The following NUDT3 variants were observed in gnomAD, a reference collection of about 807,000 sequenced individuals.
The protein encoded by NUDT3 is nudix hydrolase 3.
In NUDT3, 9 loss-of-function variants were observed where a neutral mutation model predicts 23.6. That is an observed-to-expected ratio of 0.38 (90% CI 0.23 to 0.66). The LOEUF (loss-of-function observed/expected upper bound fraction) is 0.66, where lower values mean the gene tolerates loss of function less well. NUDT3 is among the 30% of genes least tolerant of loss of function. The pLI is 0.52. For synonymous variants in NUDT3, 86 were observed against 82.6 expected (o/e 1.04, Z -0.22); for missense variants, 172 against 218.5 (o/e 0.79, Z 1.34).
intron 2 of NUDT3, among the ~76,000 whole-genome samples, chr6:34,303,388 A>G (rs1338526800): frequency 6.6e-6 from 1 of 151,888 alleles, no homozygotes; most frequent in Non-Finnish European, 1.5e-5. Flanking sequence ...TTCTAAGTTA[A>G]TAATCACATC....
At position 34,341,855 on chromosome 6, in the gene NUDT3, T is replaced by G; in HGVS notation, c.210+7A>C. 6.2e-7 allele frequency: 1 copy of G among 1,613,428 alleles called. No individual in the cohort carries two copies. The highest frequency in any genetic ancestry group is 1.3e-5 in the African/African-American group (1 of 75,048). Reference sequence around the variant, plus strand: ...GCACAGCTGTGCCCTCTCTTCTCCATGCATACCTCCTCACAGACTTCACGA... The same window carrying G: ...GCACAGCTGTGCCCTCTCTTCTCCAGGCATACCTCCTCACAGACTTCACGA... On this transcript the variant is annotated splice_region_variant and intron_variant, in intron 2 of 4. Transcript: ENST00000607016.
At chr6:34,366,899 A>G (rs1764744127) in intron 1 of NUDT3, among the ~76,000 whole-genome samples, 3 of 151,712 alleles carry the variant, frequency 2.0e-5, no homozygotes, top group South Asian at 4.2e-4. Context: ...CACAATTAAA[A>G]AAAAATTTTT....
At chr6:34,289,531 C>T (rs1197111582) in intron 4 of NUDT3, among the ~76,000 whole-genome samples, 2 of 152,200 alleles carry the variant, frequency 1.3e-5, no homozygotes, top group Non-Finnish European at 2.9e-5. Context: ...CGCGCCACTG[C>T]ACTCCAGCAG....
chr6:34,316,434 T>C (rs951206276), intron 2 of NUDT3, among the ~76,000 whole-genome samples: 1 of 152,168 alleles, frequency 6.6e-6, no homozygotes, highest in Non-Finnish European at 1.5e-5. Flanking sequence ...CTGCTTCATA[T>C]AGAAGAGATA....
In NUDT3 at chr6:34,288,586, T is replaced by A; in HGVS notation, c.*167A>T. The A allele has an allele frequency of 2.2e-6, 2 of 902,134 alleles. No homozygotes were observed. The highest frequency in any genetic ancestry group is 1.6e-6 in the Non-Finnish European group (1 of 628,522). The allele number at this position is 902,134 out of a possible 1,614,324, so 55.9% of individuals were successfully genotyped here. On this transcript the variant is annotated 3_prime_UTR_variant, in exon 5 of 5. Coordinates refer to ENST00000607016, the MANE Select transcript of NUDT3 (RefSeq NM_006703.4). ...AATAAAAACAGAAGAAAAAGCCCCA[T>A]CACTTAACACCAAACAGCAACATTA...
chr6:34,305,594 C>G (rs1763668167), intron 2 of NUDT3, among the ~76,000 whole-genome samples: 2 of 152,044 alleles, frequency 1.3e-5, no homozygotes, highest in Admixed American at 6.6e-5. Context: ...TTTGGGCTTG[C>G]TCTTGTTTTT....
At chr6:34,365,693 C>T (rs991696930) in intron 1 of NUDT3, among the ~76,000 whole-genome samples, 3 of 152,076 alleles carry the variant, frequency 2.0e-5, no homozygotes, top group Non-Finnish European at 4.4e-5. Flanking sequence ...CAAGAGGATC[C>T]CTTGAGGCCA....
intron 2 of NUDT3, among the ~76,000 whole-genome samples, chr6:34,315,434 T>C (rs1763843565): frequency 1.3e-5 from 2 of 152,386 alleles, no homozygotes; most frequent in South Asian, 2.1e-4. Context: ...ATAAGCTGCA[T>C]CTACCTTTCT....
chr6:34,374,228 A>G (rs903922991), intron 1 of NUDT3, among the ~76,000 whole-genome samples: 1 of 151,826 alleles, frequency 6.6e-6, no homozygotes, highest in Non-Finnish European at 1.5e-5. Flanking sequence ...TCAGAAGAAA[A>G]CTGTGTTATC....
intron 1 of NUDT3, among the ~76,000 whole-genome samples, chr6:34,379,630 C>T (rs962952858): frequency 6.6e-6 from 1 of 152,010 alleles, no homozygotes; most frequent in African/African-American, 2.4e-5. Flanking sequence ...AGGCTGGTCT[C>T]GAATTCCTGG....
At chr6:34,297,760 A>ATATATATATATATATATATTTTTT (rs1763535832) in intron 2 of NUDT3, among the ~76,000 whole-genome samples, 4 of 53,654 alleles carry the variant, frequency 7.5e-5, no homozygotes, top group Non-Finnish European at 1.2e-4. Context: ...TATATATATA[A>ATATATATATATATATATATTTTTT]TTTTTTTTTT....
Position 34,328,229 on chromosome 6 carries a change from G to C in NUDT3, c.210+13633C>G, listed in dbSNP as rs555679931. ...TCAAGTTTCTCTTGAAACATCAGAGGATCTGATCACACTGGGTCTTCCCCT... is the reference window on the plus strand; with the variant it reads ...TCAAGTTTCTCTTGAAACATCAGAGCATCTGATCACACTGGGTCTTCCCCT... On this transcript the variant is annotated intron_variant, in intron 2 of 4. Transcript: ENST00000607016. Among the ~76,000 whole-genome samples, 18 of 152,220 alleles carry C rather than the reference G, an allele frequency of 1.2e-4. No homozygotes were observed. In the East Asian group the frequency reaches 2.3e-3, roughly 20 times the overall value.
At chr6:34,390,216 C>T (rs1345943464) in intron 1 of NUDT3, among the ~76,000 whole-genome samples, 5 of 150,830 alleles carry the variant, frequency 3.3e-5, no homozygotes, top group Non-Finnish European at 7.4e-5. Context: ...ATCGCCTGAA[C>T]CTGGGAGGCA....
chr6:34,288,810 T>G lies in NUDT3; in HGVS notation c.462A>C (p.Pro154=). ...AAACCGAGTATGTGGTGGCCACGAC[T>G]GGGGTGCCATTGTTGGCTGAGTAGC... ...RQGYSANNGT[P]VVATTYSVSA... The change falls in exon 5 of 5, where the codon CCA becomes CCC. Residue 154 remains proline, a synonymous_variant. Transcript: ENST00000607016. 1.9e-6 allele frequency: 3 copies of G among 1,614,102 alleles called. No individual in the cohort carries two copies. Among genetic ancestry groups the G allele is most frequent in the African/African-American group, 1.3e-5 (1 of 75,038 alleles).
At chr6:34,377,222 A>T (rs1764939051) in intron 1 of NUDT3, among the ~76,000 whole-genome samples, 1 of 152,160 alleles carries the variant, frequency 6.6e-6, no homozygotes, top group Non-Finnish European at 1.5e-5. Context: ...GAAATGCCTA[A>T]CGGTAATTTA....
chr6:34,384,420 C>A (rs1405538078), intron 1 of NUDT3, among the ~76,000 whole-genome samples: 1 of 152,176 alleles, frequency 6.6e-6, no homozygotes, highest in Non-Finnish European at 1.5e-5. Flanking sequence ...TGGGTAAAAA[C>A]AGACCCGTTA....
intron 1 of NUDT3, among the ~76,000 whole-genome samples, chr6:34,384,907 T>A (rs1433037680): frequency 6.6e-6 from 1 of 151,948 alleles, no homozygotes; most frequent in Non-Finnish European, 1.5e-5. Flanking sequence ...CAGGCACTTG[T>A]ACTTCCATCT....
intron 1 of NUDT3, among the ~76,000 whole-genome samples, chr6:34,373,192 TAG>T (rs1764861215): frequency 6.7e-6 from 1 of 148,438 alleles, no homozygotes; most frequent in Non-Finnish European, 1.5e-5. Flanking sequence ...GGCAGGAGAA[TAG>T]CATGAACCCA....
intron 1 of NUDT3, among the ~76,000 whole-genome samples, chr6:34,385,806 C>G (rs1426186887): frequency 6.6e-6 from 1 of 151,948 alleles, no homozygotes; most frequent in East Asian, 1.9e-4. Flanking sequence ...GCCTCAGCCT[C>G]CCATGTAGCT....
Sources: gnomAD v4.1 joint callset for allele counts (sites outside exome capture counted in the v4.1 genomes callset) on GRCh38, gnomAD v4.1.1 for gene constraint, MANE v1.5 for transcripts, NCBI Gene and HGNC (gene_info 2026-07-23, HGNC 2026-07-21) for gene names.